The following IL1RAPL1 variants were observed in gnomAD, a reference collection of about 807,000 sequenced individuals.
IL1RAPL1 encodes the protein interleukin 1 receptor accessory protein like 1, also known as interleukin-1 receptor accessory protein-like 1.
A neutral mutation model predicts 48.4 loss-of-function variants in IL1RAPL1; 3 were observed. That is an observed-to-expected ratio of 0.06 (90% CI 0.03 to 0.16). IL1RAPL1 has a LOEUF of 0.16. Among genes scored for constraint, IL1RAPL1 ranks in the 10% least tolerant of loss-of-function variants. The pLI, the probability that IL1RAPL1 is intolerant of heterozygous loss-of-function variation, is 1.00. For synonymous variants in IL1RAPL1, 185 were observed against 187.7 expected, an observed-to-expected ratio of 0.99 and a Z score of 0.12; for missense variants, 349 against 530.6, an observed-to-expected ratio of 0.66 and a Z score of 3.36.
At chrX:29,169,101 G>T (rs1211745026) in intron 2 of IL1RAPL1, among the ~76,000 whole-genome samples, 6 of 108,164 alleles carry the variant, frequency 5.5e-5, no homozygotes, top group Non-Finnish European at 1.2e-4. Context: ...CTTGGCTACT[G>T]TGAATAGTGC....
chrX:29,416,911 ATTATG>A (rs1265442247), intron 5 of IL1RAPL1, among the ~76,000 whole-genome samples: 1 of 111,634 alleles, frequency 9.0e-6, no homozygotes, highest in Non-Finnish European at 1.9e-5. Flanking sequence ...TAATTTTTTT[ATTATG>A]TTAAAATTTT....
At position 28,940,863 on chromosome X, in the gene IL1RAPL1, C is replaced by A. The variant is rs1020319135; in HGVS notation, c.82+151438C>A. On this transcript the variant is annotated intron_variant, in intron 2 of 10. Transcript: ENST00000378993. Reference sequence around the variant, plus strand: ...TCATAAGAATTATGACATGATCAATCAATGTACCAGCTAATTTTCATAAAT... The same window carrying A: ...TCATAAGAATTATGACATGATCAATAAATGTACCAGCTAATTTTCATAAAT... 2.7e-5 allele frequency among the ~76,000 whole-genome samples: 3 copies of A among 110,320 alleles called. No individual in the cohort carries two copies. The East Asian group carries it at 8.6e-4, about 32-fold the overall frequency.
chrX:29,878,295 T>A (rs1299303640), intron 6 of IL1RAPL1, among the ~76,000 whole-genome samples: 1 of 111,981 alleles, frequency 8.9e-6, no homozygotes, highest in African/African-American at 3.2e-5. Flanking sequence ...TACCCTCTAT[T>A]GCTTTCCAGA....
At chrX:28,986,914 T>C (rs973037653) in intron 2 of IL1RAPL1, among the ~76,000 whole-genome samples, 72 of 112,161 alleles carry the variant, frequency 6.4e-4, no homozygotes, top group African/African-American at 2.1e-3. Context: ...CGTGATGTAA[T>C]TTGCATGGTC....
intron 2 of IL1RAPL1, among the ~76,000 whole-genome samples, chrX:28,827,491 C>A (rs752910473): frequency 3.6e-5 from 4 of 111,404 alleles, no homozygotes; most frequent in African/African-American, 9.7e-5. Context: ...TTTCTTCTGA[C>A]TTTATTAGGT....
At chrX:29,145,746 G>A (rs1231367404) in intron 2 of IL1RAPL1, among the ~76,000 whole-genome samples, 2 of 111,698 alleles carry the variant, frequency 1.8e-5, no homozygotes, top group Non-Finnish European at 3.8e-5. Context: ...TCAGTTAATT[G>A]CATCGTCATT....
chrX:28,882,953 CATAAT>C (rs1419902401), intron 2 of IL1RAPL1, among the ~76,000 whole-genome samples: 5 of 111,012 alleles, frequency 4.5e-5, no homozygotes, highest in Non-Finnish European at 9.4e-5. Context: ...ATAATAGAAA[CATAAT>C]ATAAAAAGAT....
At chrX:29,324,827 C>T (rs758792840) in intron 3 of IL1RAPL1, among the ~76,000 whole-genome samples, 3 of 111,095 alleles carry the variant, frequency 2.7e-5, no homozygotes, top group Non-Finnish European at 5.7e-5. Context: ...CTTCCTGTGC[C>T]TCAATATAAT....
At chrX:28,882,137 A>AATAT (rs990350093) in intron 2 of IL1RAPL1, among the ~76,000 whole-genome samples, 1 of 109,701 alleles carries the variant, frequency 9.1e-6, no homozygotes, top group African/African-American at 3.3e-5. Context: ...AAATTAAAAA[A>AATAT]ATATATATAT....
At chrX:29,892,265 A>G (rs1277149586) in intron 6 of IL1RAPL1, among the ~76,000 whole-genome samples, 3 of 111,840 alleles carry the variant, frequency 2.7e-5, no homozygotes, top group Middle Eastern at 4.2e-3. Flanking sequence ...AATTTTTTTT[A>G]TTTGTTACCT....
At chrX:29,813,554 G>C in intron 6 of IL1RAPL1, among the ~76,000 whole-genome samples, 1 of 111,196 alleles carries the variant, frequency 9.0e-6, no homozygotes, top group Non-Finnish European at 1.9e-5. Context: ...CTTAATGCTG[G>C]CTGCTTTCAT....
intron 1 of IL1RAPL1, among the ~76,000 whole-genome samples, chrX:28,605,707 AAGTAAAGT>A (rs756330165): frequency 2.1e-4 from 23 of 111,876 alleles, no homozygotes; most frequent in South Asian, 1.1e-3. Flanking sequence ...CTTGGAGTAA[AAGTAAAGT>A]TCTTATAATG....
At chrX:28,636,055 C>T (rs1446524600) in intron 1 of IL1RAPL1, among the ~76,000 whole-genome samples, 1 of 111,008 alleles carries the variant, frequency 9.0e-6, no homozygotes, top group Non-Finnish European at 1.9e-5. Flanking sequence ...CGTATTTTTC[C>T]ATATCTCCAA....
rs146762566 is a variant in IL1RAPL1 at position 29,339,491 on chromosome X, A to G, written c.362+56274A>G. Among the ~76,000 whole-genome samples the G allele has an allele frequency of 7.2e-3, 801 of 111,974 alleles. 4 individuals carry two copies. Among genetic ancestry groups the G allele is most frequent in the Middle Eastern group, 9.3e-3 (2 of 214 alleles). The stretch of plus-strand genomic sequence containing the variant: ...GGGGTATGAAATTTAAAGAAATACT[A>G]TCTGTTCCCTTTATAAAAAATAAAC... On this transcript the variant is annotated intron_variant, in intron 3 of 10. Coordinates refer to ENST00000378993, the MANE Select transcript of IL1RAPL1 (RefSeq NM_014271.4).
chrX:29,169,423 G>A (rs1459907199), intron 2 of IL1RAPL1, among the ~76,000 whole-genome samples: 1 of 110,309 alleles, frequency 9.1e-6, no homozygotes, highest in African/African-American at 3.3e-5. Context: ...TATGGCAGCT[G>A]TATTTATTTT....
At chrX:29,239,369 A>G (rs1464782229) in intron 2 of IL1RAPL1, among the ~76,000 whole-genome samples, 1 of 112,530 alleles carries the variant, frequency 8.9e-6, no homozygotes, top group Non-Finnish European at 1.9e-5. Flanking sequence ...TTAAATGGAG[A>G]TCTTTTTGAA....
intron 2 of IL1RAPL1, among the ~76,000 whole-genome samples, chrX:29,126,396 C>T (rs913846435): frequency 1.2e-4 from 13 of 112,015 alleles, no homozygotes; most frequent in Non-Finnish European, 2.1e-4. Context: ...AATAGAATTT[C>T]ACAAGGCATC....
chrX:28,763,820 C>T (rs767601023), intron 1 of IL1RAPL1, among the ~76,000 whole-genome samples: 8 of 110,717 alleles, frequency 7.2e-5, no homozygotes, highest in Non-Finnish European at 1.1e-4. Flanking sequence ...CATGGCAACC[C>T]TTAATCTAGT....
rs753296903 is a variant in IL1RAPL1, at chrX:28,883,807, T to C, written c.82+94382T>C. On this transcript the variant is annotated intron_variant, in intron 2 of 10. Coordinates refer to ENST00000378993, the MANE Select transcript of IL1RAPL1 (RefSeq NM_014271.4). ...CATCTTTCATTATTTGTAACTAATA[T>C]GTGTATTTAATTCAGTTTAAACTGA... Among the ~76,000 whole-genome samples, 5 of 112,606 alleles carry C rather than the reference T, an allele frequency of 4.4e-5. No homozygotes were observed. In the South Asian group the frequency reaches 1.8e-3, roughly 40 times the overall value.
Sources: gnomAD v4.1 joint callset for allele counts (sites outside exome capture counted in the v4.1 genomes callset) on GRCh38, gnomAD v4.1.1 for gene constraint, MANE v1.5 for transcripts, NCBI Gene and HGNC (gene_info 2026-07-23, HGNC 2026-07-21) for gene names.